The following SCN7A variants were observed in gnomAD, a reference collection of about 807,000 sequenced individuals.
SCN7A encodes sodium channel protein type 7 subunit alpha.
Under a neutral mutation model 155.2 loss-of-function variants are expected in SCN7A, and 138 were observed. That is an observed-to-expected ratio of 0.89 (90% confidence interval 0.77 to 1.02). SCN7A has a LOEUF of 1.02. Among genes scored for constraint, SCN7A ranks in the 50% least tolerant of loss-of-function variants. The pLI, the probability that SCN7A is intolerant of heterozygous loss-of-function variation, is 0.00. For synonymous variants in SCN7A, 693 were observed against 649.0 expected, an observed-to-expected ratio of 1.07 and a Z score of -1.03; for missense variants, 2,058 against 1,986.6, an observed-to-expected ratio of 1.04 and a Z score of -0.68.
At chr2:166,423,189 G>A in intron 19 of SCN7A, 70 bp downstream of exon 19, 5 of 1,438,310 alleles carry the variant, frequency 3.5e-6, no homozygotes, top group Non-Finnish European at 4.8e-6. Context: ...AAACTGACAG[G>A]AAGTGAAAGA....
intron 18 of SCN7A, among the ~76,000 whole-genome samples, chr2:166,426,998 T>C (rs1007375598): frequency 1.3e-5 from 2 of 152,156 alleles, no homozygotes; most frequent in African/African-American, 2.4e-5. Context: ...TCTTCTTTAA[T>C]CAAATACAAA....
chr2:166,477,778 G>T (rs1702834438), intron 2 of SCN7A, 68 bp from the exon 3 acceptor site: 2 of 920,980 alleles, frequency 2.2e-6, no homozygotes, highest in Non-Finnish European at 3.1e-6. Flanking sequence ...ATTAGGATAC[G>T]AAAAATAGAG....
intron 17 of SCN7A, 45 bp from the exon 18 acceptor site, chr2:166,427,987 G>C: frequency 6.3e-7 from 1 of 1,587,452 alleles, no homozygotes; most frequent in Non-Finnish European, 8.6e-7. Context: ...GAAAACTCAT[G>C]AAAAAGTAAA....
rs771820272 is a variant in SCN7A, at chr2:166,462,469, T to C, written c.1003A>G (p.Asn335Asp). The change falls in exon 10 of 26, where the codon AAT (asparagine) becomes GAT (aspartate). Residue 335 changes from asparagine (N) to aspartate (D), a missense_variant. Asn to Asp is a conservative substitution (Grantham distance 23). Coordinates refer to ENST00000643258, the MANE Select transcript of SCN7A (RefSeq NM_002976.4). ...AAGGCCCAGCCAAAACTGTCAAAAT[T>C]TGTGAAGCCTTGATCAGGATTTATG... ...AGINPDQGFT[N>D]FDSFGWALFA... The C allele has an allele frequency of 7.1e-5, 114 of 1,613,632 alleles. No homozygotes were observed. The highest frequency in any genetic ancestry group is 6.9e-5 in the Non-Finnish European group (81 of 1,179,804).
chr2:166,415,618 C>A (rs1045562479), intron 21 of SCN7A, among the ~76,000 whole-genome samples: 3 of 152,030 alleles, frequency 2.0e-5, no homozygotes, highest in African/African-American at 7.2e-5. Flanking sequence ...ACATAAATTG[C>A]GAAGATTTCA....
chr2:166,441,295 C>T (rs1042281322), intron 15 of SCN7A, 101 bp downstream of exon 15: 26 of 783,772 alleles, frequency 3.3e-5, no homozygotes, highest in Non-Finnish European at 4.8e-5. Context: ...TATTGGACTA[C>T]CACAGTTACA....
intron 15 of SCN7A, among the ~76,000 whole-genome samples, chr2:166,437,378 A>G (rs2105424260): frequency 6.6e-6 from 1 of 152,268 alleles, no homozygotes; most frequent in Non-Finnish European, 1.5e-5. Context: ...ATTACAGAGG[A>G]TGTATGGAAA....
At chr2:166,449,875 G>A (rs1445764214) in intron 11 of SCN7A, among the ~76,000 whole-genome samples, 2 of 152,296 alleles carry the variant, frequency 1.3e-5, no homozygotes, top group East Asian at 1.9e-4. Flanking sequence ...TAGTGGGAAT[G>A]TAAGTTCAGC....
At chr2:166,409,384 T>C (rs1340390651) in intron 25 of SCN7A, among the ~76,000 whole-genome samples, 1 of 151,964 alleles carries the variant, frequency 6.6e-6, no homozygotes, top group Non-Finnish European at 1.5e-5. Flanking sequence ...TATTATAGAA[T>C]GAAGGGTTGA....
chr2:166,457,978 G>T (rs1702322040), intron 10 of SCN7A, among the ~76,000 whole-genome samples: 1 of 152,112 alleles, frequency 6.6e-6, no homozygotes, highest in Non-Finnish European at 1.5e-5. Flanking sequence ...CATTCAATGA[G>T]AAATAATTTC....
At chr2:166,492,331 T>G (rs1302014229) in intron 1 of SCN7A, among the ~76,000 whole-genome samples, 3 of 152,198 alleles carry the variant, frequency 2.0e-5, no homozygotes, top group Non-Finnish European at 1.5e-5. Flanking sequence ...ATCCCCCAGG[T>G]GCAAGATTTT....
intron 3 of SCN7A, among the ~76,000 whole-genome samples, chr2:166,475,119 TAC>T (rs1553520550): frequency 4.1e-4 from 53 of 130,132 alleles, no homozygotes; most frequent in East Asian, 3.7e-3. Context: ...TATATATATA[TAC>T]ATATATATAT....
chr2:166,417,783 G>A (rs1490945159), intron 20 of SCN7A, among the ~76,000 whole-genome samples: 1 of 151,504 alleles, frequency 6.6e-6, no homozygotes, highest in Non-Finnish European at 1.5e-5. Flanking sequence ...TGTCAATGAA[G>A]CCAAGAGAAG....
intron 15 of SCN7A, among the ~76,000 whole-genome samples, chr2:166,437,542 G>A (rs547238532): frequency 1.3e-5 from 2 of 152,248 alleles, no homozygotes; most frequent in African/African-American, 4.8e-5. Context: ...GAGGGTCACT[G>A]TCCTCCAGAC....
chr2:166,412,738 A>T, intron 22 of SCN7A, 71 bp from the exon 23 acceptor site: 6 of 1,431,234 alleles, frequency 4.2e-6, no homozygotes, highest in Non-Finnish European at 5.5e-6. Flanking sequence ...AATTTATGAC[A>T]AGAAAACAAT....
Position 166,406,154 on chromosome 2 carries a change from A to G in SCN7A, c.4475T>C (p.Ile1492Thr), listed in dbSNP as rs748806847. The G allele has an allele frequency of 1.2e-6, 2 of 1,612,038 alleles. No homozygotes were observed. Among genetic ancestry groups the G allele is most frequent in the Non-Finnish European group, 1.7e-6 (2 of 1,178,826 alleles). The part of the protein sequence containing the change: ...ISWLIIVNMY[I>T]VVVMEFLNIA... ...ATTTAAAAACTCCATGACAACAACA[A>G]TGTACATATTTACAATGATCAGCCA... is the stretch of plus-strand genomic sequence containing the variant. The change falls in exon 26 of 26, where the codon ATT becomes ACT. Residue 1492 changes from isoleucine to threonine, a missense_variant. Coordinates refer to ENST00000643258, the MANE Select transcript of SCN7A (RefSeq NM_002976.4).
chr2:166,490,469 T>C (rs188724807), intron 1 of SCN7A, among the ~76,000 whole-genome samples: 1 of 152,312 alleles, frequency 6.6e-6, no homozygotes, highest in African/African-American at 2.4e-5. Context: ...CAAAGAGATA[T>C]CTGCTCTCCC....
chr2:166,452,495 A>G (rs1456416527), intron 11 of SCN7A, among the ~76,000 whole-genome samples: 1 of 152,140 alleles, frequency 6.6e-6, no homozygotes, highest in Non-Finnish European at 1.5e-5. Context: ...TAGACACTCT[A>G]TTTGTATTTA....
At chr2:166,436,547 G>A in intron 15 of SCN7A, 1 of 204,810 alleles carries the variant, frequency 4.9e-6, no homozygotes, top group Non-Finnish European at 1.1e-5. Context: ...AATTGATACT[G>A]CAGAGAATGG....
Sources: allele counts gnomAD v4.1 joint callset (sites outside exome capture counted in the v4.1 genomes callset), GRCh38; gene constraint gnomAD v4.1.1; transcripts MANE v1.5; gene names NCBI Gene and HGNC (gene_info 2026-07-23, HGNC 2026-07-21).